The following NBAS variants were observed in gnomAD, a reference collection of about 807,000 sequenced individuals.
NBAS encodes NBAS subunit of NRZ tethering complex, also known as NAG/BC035112 fusion.
In NBAS, 219 loss-of-function variants were observed where a neutral mutation model predicts 302.5. That is an observed-to-expected ratio of 0.72 (90% CI 0.65 to 0.81). The LOEUF (loss-of-function observed/expected upper bound fraction) is 0.81. Among genes scored for constraint, NBAS ranks in the 30% least tolerant of loss-of-function variants. The pLI, the probability that NBAS is intolerant of heterozygous loss-of-function variation, is 0.00. For missense variants in NBAS, 2,932 were observed against 2,841.6 expected (o/e 1.03, Z -0.72); for synonymous variants, 1,118 against 1,021.6 (o/e 1.09, Z -1.80).
At chr2:15,162,036 C>T (rs370008946), downstream of NBAS, among the ~76,000 whole-genome samples, 41 of 152,306 alleles carry the variant, frequency 2.7e-4, 1 homozygote, top group South Asian at 3.7e-3. Context: ...CTCCTCCTGA[C>T]ACTATTGTTG....
At chr2:15,532,285 C>T (rs757496837) in intron 9 of NBAS, among the ~76,000 whole-genome samples, 52 of 151,716 alleles carry the variant, frequency 3.4e-4, no homozygotes, top group Non-Finnish European at 6.9e-4. Context: ...GTCAGGAGAT[C>T]GAAACCATCC....
chr2:15,328,281 C>T lies in NBAS; in HGVS notation c.4379G>A (p.Gly1460Glu), dbSNP rs1672168936. The T allele has an allele frequency of 8.7e-6, 14 of 1,613,702 alleles. No homozygotes were observed. The highest frequency in any genetic ancestry group is 1.2e-5 in the Non-Finnish European group (14 of 1,179,884). The part of the protein sequence containing the change: ...GQKCGGAYQI[G>E]TTANEDLEKQ... ...CTCTAGATCTTCATTGGCTGTAGTT[C>T]CGATTTGATATGCACCACCACATTT... Residue 1460 changes from glycine (G) to glutamate (E), a missense_variant, in exon 37 of 52, where the codon GGA (glycine) becomes GAA (glutamate). Physicochemically the swap from Gly to Glu is moderately conservative, Grantham distance 98. Coordinates refer to ENST00000281513, the MANE Select transcript of NBAS (RefSeq NM_015909.4).
intron 45 of NBAS, among the ~76,000 whole-genome samples, chr2:15,237,611 T>TTTAC (rs1016618416): frequency 1.1e-4 from 16 of 145,832 alleles, no homozygotes; most frequent in Non-Finnish European, 2.2e-4. Flanking sequence ...TATTTATTTA[T>TTTAC]CTGAGACAGA....
chr2:14,788,790 C>A, the NBAS span, among the ~76,000 whole-genome samples: 359 of 152,320 alleles, frequency 2.4e-3, no homozygotes, highest in African/African-American at 7.8e-3. Flanking sequence ...GTTAGGGACC[C>A]ACTTGAGGAG....
intron 51 of NBAS, among the ~76,000 whole-genome samples, chr2:15,172,682 T>TA (rs1664350950): frequency 1.3e-5 from 2 of 152,174 alleles, no homozygotes; most frequent in African/African-American, 2.4e-5. Flanking sequence ...GACTGGTGCT[T>TA]AAGGGGCATG....
At position 15,194,979 on chromosome 2, in the gene NBAS, C is replaced by T. The variant is rs191494933; in HGVS notation, c.6433-4576G>A. Among the ~76,000 whole-genome samples, 424 of 152,082 alleles carry T rather than the reference C, an allele frequency of 2.8e-3. 8 individuals carry two copies. Among genetic ancestry groups the T allele is most frequent in the Non-Finnish European group, 1.5e-3 (105 of 67,988 alleles). ...AAGAAATCACACACAATAAAACAAACCCTAAAACTAAGAAACGAGTCAGGA... is the reference window on the plus strand; with the variant it reads ...AAGAAATCACACACAATAAAACAAATCCTAAAACTAAGAAACGAGTCAGGA... On this transcript the variant is annotated intron_variant, in intron 48 of 51. Transcript: ENST00000281513.
Position 15,349,452 on chromosome 2 carries a change from T to G in NBAS, c.4179+2540A>C, listed in dbSNP as rs151183571. On this transcript the variant is annotated intron_variant, in intron 35 of 51. Transcript: ENST00000281513. The stretch of plus-strand genomic sequence containing the variant: ...AATCAAAACATGCCAAAGGACAAAG[T>G]GTATCCATATCACTCTAGGACCCTA... Among the ~76,000 whole-genome samples the G allele has an allele frequency of 3.0e-3, 458 of 152,266 alleles. 4 individuals carry two copies. The highest frequency in any genetic ancestry group is 9.9e-3 in the African/African-American group (411 of 41,564).
At position 15,356,434 on chromosome 2, in the gene NBAS, G is replaced by A; in HGVS notation, c.3818-18C>T. On this transcript the variant is annotated intron_variant, in intron 32 of 51. Coordinates refer to ENST00000281513, the MANE Select transcript of NBAS (RefSeq NM_015909.4). ...GTTCTCACCTGTAAGTCCAAGCAAA[G>A]GACTTAATGATTATGACAAGCAACG... is the stretch of plus-strand genomic sequence containing the variant. The A allele has an allele frequency of 6.4e-7, 1 of 1,568,496 alleles. No homozygotes were observed. The highest frequency in any genetic ancestry group is 2.2e-5 in the East Asian group (1 of 44,526).
In NBAS at chr2:15,325,851, A is replaced by G. The variant is rs965282395; in HGVS notation, c.4582+1899T>C. ...TCTCAGCTTTCAACACACCTTCCTC[A>G]CTAAGCTTAATCATTTCTAGCTTTT... On this transcript the variant is annotated intron_variant, in intron 38 of 51. Transcript: ENST00000281513. Among the ~76,000 whole-genome samples the G allele has an allele frequency of 2.0e-5, 3 of 152,266 alleles. No individual in the cohort carries two copies. In the East Asian group the frequency reaches 5.8e-4, roughly 29 times the overall value.
intron 29 of NBAS, 126 bp from the exon 30 acceptor site, chr2:15,379,957 A>G (rs1344634201): frequency 7.7e-6 from 6 of 779,452 alleles, no homozygotes; most frequent in Admixed American, 6.7e-5. Flanking sequence ...GTGGCTGCAC[A>G]GCACTGTAAA....
intron 37 of NBAS, 126 bp downstream of exon 37, chr2:15,328,073 A>T (rs1351314761): frequency 2.5e-6 from 3 of 1,193,866 alleles, no homozygotes; most frequent in Admixed American, 4.3e-5. Flanking sequence ...AAATGTAAAA[A>T]CCAATGAATA....
intron 51 of NBAS, 109 bp from the exon 52 acceptor site, chr2:15,167,432 C>T (rs996302186): frequency 2.1e-6 from 3 of 1,421,514 alleles, no homozygotes; most frequent in African/African-American, 2.8e-5. Context: ...CATGCCCTGG[C>T]CTGGGTTTAA....
chr2:15,365,706 G>A (rs1362197202), intron 32 of NBAS, among the ~76,000 whole-genome samples: 3 of 152,000 alleles, frequency 2.0e-5, no homozygotes, highest in South Asian at 2.1e-4. Flanking sequence ...TGACACACAC[G>A]ATTACTAAAA....
intron 40 of NBAS, among the ~76,000 whole-genome samples, chr2:15,304,285 G>A (rs1455301104): frequency 1.3e-5 from 2 of 148,518 alleles, no homozygotes; most frequent in African/African-American, 4.8e-5. Flanking sequence ...GCTGCCTTGG[G>A]AAGAAAGTGC....
intron 38 of NBAS, among the ~76,000 whole-genome samples, chr2:15,312,099 T>G (rs1436889218): frequency 6.6e-6 from 1 of 152,172 alleles, no homozygotes; most frequent in Non-Finnish European, 1.5e-5. Context: ...AGGCCTGCCT[T>G]TGGCTTCAAG....
At chr2:14,904,668 C>T in the NBAS span, among the ~76,000 whole-genome samples, 4 of 151,936 alleles carry the variant, frequency 2.6e-5, no homozygotes, top group African/African-American at 9.7e-5. Context: ...TAGGCTGTGT[C>T]ACAGTCAGCT....
the NBAS span, among the ~76,000 whole-genome samples, chr2:15,112,976 A>C: frequency 3.5e-3 from 530 of 152,298 alleles, 4 homozygotes; most frequent in African/African-American, 0.012. Context: ...AAAGAAGAGA[A>C]CGTAGCAAAT....
intron 22 of NBAS, 151 bp downstream of exon 22, chr2:15,427,560 T>C: frequency 1.5e-6 from 1 of 658,896 alleles, no homozygotes; most frequent in Non-Finnish European, 2.7e-6. Flanking sequence ...TTAACATAAC[T>C]GAGTCAAAGG....
the NBAS span, among the ~76,000 whole-genome samples, chr2:15,101,953 C>T: frequency 6.6e-6 from 1 of 152,206 alleles, no homozygotes; most frequent in Non-Finnish European, 1.5e-5. Context: ...CTCTCCATGG[C>T]CTTGTGGGCC....
Sources: gnomAD v4.1 joint callset for allele counts (sites outside exome capture counted in the v4.1 genomes callset) on GRCh38, gnomAD v4.1.1 for gene constraint, MANE v1.5 for transcripts, NCBI Gene and HGNC (gene_info 2026-07-23, HGNC 2026-07-21) for gene names.